RHOU: variants seen among roughly 807,000 people sequenced by gnomAD.
The protein encoded by RHOU is ras homolog family member U, also known as rho-related GTP-binding protein RhoU.
Under a neutral mutation model 12.6 loss-of-function variants are expected in RHOU, and 8 were observed. That is an observed-to-expected ratio of 0.64 (90% CI 0.37 to 1.15). The LOEUF (loss-of-function observed/expected upper bound fraction) is 1.15. RHOU is among the 50% of genes most tolerant of loss of function. RHOU has a pLI of 0.01. For missense variants in RHOU, 258 were observed against 347.0 expected (o/e 0.74, Z 2.04); for synonymous variants, 161 against 147.4 (o/e 1.09, Z -0.67).
Position 228,737,886 on chromosome 1 carries a change from G to A in RHOU, c.321+155G>A, listed in dbSNP as rs1381828999. Among the ~76,000 whole-genome samples, 1 of 127,148 alleles carries A rather than the reference G, an allele frequency of 7.9e-6. No individual in the cohort carries two copies. Among genetic ancestry groups the A allele is most frequent in the Non-Finnish European group, 1.6e-5 (1 of 62,006 alleles). 83.4% of individuals were successfully genotyped at this position (127,148 alleles called of 152,430 possible). On this transcript the variant is annotated intron_variant, in intron 2 of 2. Transcript: ENST00000366691. The surrounding 1 kb of genome is among the most constrained non-coding windows in gnomAD (Gnocchi z 4.1). ...TTGGCCCTTCTCTGAGGGTGGGCAG[G>A]GGCCAGGTTATTGGCCGGCAGGAAG... is the stretch of plus-strand genomic sequence containing the variant.
the RHOU span, among the ~76,000 whole-genome samples, chr1:228,722,977 G>T: frequency 6.6e-6 from 1 of 152,248 alleles, no homozygotes; most frequent in Admixed American, 6.5e-5. Flanking sequence ...AGATCATGCT[G>T]CGTCTACCTT....
chr1:228,705,872 C>T, the RHOU span, among the ~76,000 whole-genome samples: 3 of 152,010 alleles, frequency 2.0e-5, no homozygotes, highest in Non-Finnish European at 4.4e-5. Flanking sequence ...GGTGAAACCC[C>T]GTCTCTACTA....
the RHOU span, among the ~76,000 whole-genome samples, chr1:228,667,228 A>T: frequency 2.6e-5 from 4 of 152,222 alleles, no homozygotes. Flanking sequence ...TCAGAGACTG[A>T]CCCCATCCTT....
chr1:228,725,399 A>C, the RHOU span, among the ~76,000 whole-genome samples: 1 of 142,788 alleles, frequency 7.0e-6, no homozygotes, highest in Non-Finnish European at 1.5e-5. Context: ...GGCCGTGTGG[A>C]TGCTGCAATC....
the RHOU span, among the ~76,000 whole-genome samples, chr1:228,652,251 A>G: frequency 2.1e-4 from 32 of 152,352 alleles, no homozygotes; most frequent in Admixed American, 5.9e-4. Flanking sequence ...TGTCTTCTTC[A>G]GCTTCCTGTC....
chr1:228,683,929 A>G, the RHOU span, among the ~76,000 whole-genome samples: 384 of 152,386 alleles, frequency 2.5e-3, 1 homozygote, highest in African/African-American at 8.9e-3. Flanking sequence ...TTAGAAGACA[A>G]TTGGAATGAT....
the RHOU span, among the ~76,000 whole-genome samples, chr1:228,710,340 G>T: frequency 1.3e-5 from 2 of 151,800 alleles, no homozygotes; most frequent in African/African-American, 4.8e-5. Flanking sequence ...TACCAAAGCC[G>T]GGCAGAGACA....
the RHOU span, among the ~76,000 whole-genome samples, chr1:228,674,292 G>A: frequency 6.7e-6 from 1 of 149,192 alleles, no homozygotes; most frequent in Non-Finnish European, 1.5e-5. Context: ...ATCGTTTGAG[G>A]TTCCTGATTT....
At chr1:228,696,321 C>T in the RHOU span, among the ~76,000 whole-genome samples, 4 of 150,052 alleles carry the variant, frequency 2.7e-5, no homozygotes, top group African/African-American at 9.8e-5. Context: ...TTTACTCACA[C>T]TCAGTAGAGA....
the RHOU span, among the ~76,000 whole-genome samples, chr1:228,726,820 A>T: frequency 6.6e-6 from 1 of 152,208 alleles, no homozygotes; most frequent in Non-Finnish European, 1.5e-5. Context: ...TGCATGTATA[A>T]TCAATGTGGT....
chr1:228,675,468 A>G, the RHOU span, among the ~76,000 whole-genome samples: 3 of 152,344 alleles, frequency 2.0e-5, no homozygotes, highest in South Asian at 4.1e-4. Context: ...CATTGAATCT[A>G]TAGATAAATT....
the RHOU span, chr1:228,650,698 G>C: frequency 2.1e-6 from 1 of 483,438 alleles, no homozygotes; most frequent in South Asian, 1.5e-5. Context: ...TCATCAGCCA[G>C]TGTGGAAAGC....
chr1:228,691,219 C>T, the RHOU span, among the ~76,000 whole-genome samples: 13 of 151,980 alleles, frequency 8.6e-5, no homozygotes, highest in African/African-American at 1.2e-4. Flanking sequence ...CAGAGTAGTA[C>T]GTTTGTTACA....
the RHOU span, among the ~76,000 whole-genome samples, chr1:228,699,906 T>C: frequency 6.6e-6 from 1 of 152,202 alleles, no homozygotes; most frequent in African/African-American, 2.4e-5. Context: ...AGTTGGCCTA[T>C]CAGATAGCAG....
At chr1:228,732,474 A>T (rs2102712536), upstream of RHOU, among the ~76,000 whole-genome samples, 1 of 152,286 alleles carries the variant, frequency 6.6e-6, no homozygotes, top group African/African-American at 2.4e-5. Context: ...AAGTAAAGGC[A>T]TTCTGTAAAG....
At position 228,743,668 on chromosome 1, in the gene RHOU, T is replaced by C. The variant is rs1013062105; in HGVS notation, c.705T>C (p.Ser235=). 2 of 1,614,120 alleles carry C rather than the reference T, an allele frequency of 1.2e-6. No individual in the cohort carries two copies. Among genetic ancestry groups the C allele is most frequent in the Admixed American group, 3.3e-5 (2 of 60,016 alleles). The change falls in exon 3 of 3, where the codon TCT becomes TCC. Residue 235 remains serine, a synonymous_variant. Coordinates refer to ENST00000366691, the MANE Select transcript of RHOU (RefSeq NM_021205.6). This position sits in a 1 kb window ranked among gnomAD's most constrained non-coding sequence, Gnocchi z 5.1. ...ACACTCAGCAACAGCCAAAGAAGTC[T>C]AAAAGCAGGACTCCAGATAAAATGA... ...YSDTQQQPKK[S]KSRTPDKMKN...
chr1:228,654,925 C>G, the RHOU span, among the ~76,000 whole-genome samples: 1 of 152,062 alleles, frequency 6.6e-6, no homozygotes, highest in Admixed American at 6.6e-5. Flanking sequence ...TGTACCTGAA[C>G]AATTTTTCTG....
the RHOU span, among the ~76,000 whole-genome samples, chr1:228,707,255 A>ATATAC: frequency 9.8e-5 from 4 of 40,710 alleles, no homozygotes; most frequent in Admixed American, 6.1e-4. Context: ...ATATATATAT[A>ATATAC]GTGTGTGTGT....
At chr1:228,711,131 A>G in the RHOU span, among the ~76,000 whole-genome samples, 1 of 151,686 alleles carries the variant, frequency 6.6e-6, no homozygotes, top group East Asian at 1.9e-4. Flanking sequence ...AAGGAGAACT[A>G]AAAACCACTG....
Sources: gnomAD v4.1 joint callset for allele counts (sites outside exome capture counted in the v4.1 genomes callset) on GRCh38, gnomAD v4.1.1 for gene constraint, Gnocchi (gnomAD v3.1) non-coding constraint, MANE v1.5 for transcripts, NCBI Gene and HGNC (gene_info 2026-07-23, HGNC 2026-07-21) for gene names.